ADAMTSL1: variants seen among roughly 807,000 people sequenced by gnomAD.
The protein encoded by ADAMTSL1 is ADAMTS like 1, also known as ADAMTS-like protein 1.
A neutral mutation model predicts 201.8 loss-of-function variants in ADAMTSL1; 126 were observed. The ratio of observed to expected loss-of-function variants is 0.62; its 90% CI spans 0.54 to 0.72. The LOEUF (loss-of-function observed/expected upper bound fraction) is 0.72, where lower values mean the gene tolerates loss of function less well. Among genes scored for constraint, ADAMTSL1 ranks in the 30% least tolerant of loss-of-function variants. ADAMTSL1 has a pLI of 0.00. For synonymous variants in ADAMTSL1, 1,121 were observed against 903.4 expected, an observed-to-expected ratio of 1.24 and a Z score of -4.32; for missense variants, 2,679 against 2,277.8, an observed-to-expected ratio of 1.18 and a Z score of -3.59.
intron 7 of ADAMTSL1, among the ~76,000 whole-genome samples, chr9:18,646,674 T>A (rs915196958): frequency 6.6e-6 from 1 of 151,168 alleles, no homozygotes; most frequent in African/African-American, 2.4e-5. Context: ...TTGGTTCTGT[T>A]TATATGCTGG....
chr9:17,969,326 A>T (rs917381273), intron 1 of ADAMTSL1, among the ~76,000 whole-genome samples: 1 of 152,068 alleles, frequency 6.6e-6, no homozygotes, highest in South Asian at 2.1e-4. Context: ...CTTCCTCAGC[A>T]GTGAGTACAA....
intron 6 of ADAMTSL1, among the ~76,000 whole-genome samples, chr9:18,637,138 T>C (rs1827156594): frequency 6.6e-6 from 1 of 152,096 alleles, no homozygotes; most frequent in African/African-American, 2.4e-5. Context: ...TAAGGTACAG[T>C]TCAGGCAAAA....
chr9:18,858,096 C>T lies in ADAMTSL1; in HGVS notation c.4249+28119C>T, dbSNP rs74843200. On this transcript the variant is annotated intron_variant, in intron 23 of 28. Coordinates refer to ENST00000380548, the MANE Select transcript of ADAMTSL1 (RefSeq NM_001040272.6). ...CTGTGCATGTATAGCCATATACACA[C>T]ACACTAATATAATCATTTCTATATT... Among the ~76,000 whole-genome samples the T allele has an allele frequency of 6.4e-3, 969 of 152,276 alleles. 15 individuals are homozygous for T. The highest frequency in any genetic ancestry group is 0.021 in the African/African-American group (872 of 41,540).
intron 1 of ADAMTSL1, among the ~76,000 whole-genome samples, chr9:17,949,296 TG>T (rs1563914568): frequency 1.3e-5 from 2 of 151,948 alleles, no homozygotes; most frequent in East Asian, 3.9e-4. Flanking sequence ...AGTCAGGAGG[TG>T]GTAGCCAAGC....
intron 1 of ADAMTSL1, among the ~76,000 whole-genome samples, chr9:18,162,910 C>A (rs1827458338): frequency 6.6e-6 from 1 of 151,866 alleles, no homozygotes. Flanking sequence ...CTGTTATTTA[C>A]TGAAAGCTTA....
chr9:18,366,053 C>A (rs1482451591), intron 2 of ADAMTSL1, among the ~76,000 whole-genome samples: 2 of 152,066 alleles, frequency 1.3e-5, no homozygotes, highest in African/African-American at 4.8e-5. Context: ...AGGTTGGGGA[C>A]CACTGTATTT....
intron 1 of ADAMTSL1, among the ~76,000 whole-genome samples, chr9:18,484,945 C>T (rs189062662): frequency 5.3e-5 from 8 of 152,200 alleles, no homozygotes; most frequent in South Asian, 2.1e-4. Flanking sequence ...TAACTAAGGA[C>T]GCTAATAAAA....
At chr9:18,698,852 T>G (rs2062803186) in intron 13 of ADAMTSL1, among the ~76,000 whole-genome samples, 1 of 152,058 alleles carries the variant, frequency 6.6e-6, no homozygotes, top group Admixed American at 6.5e-5. Context: ...ATCTTCCCCC[T>G]GGCCTTTTTC....
In ADAMTSL1 at chr9:18,776,782, G is replaced by A. The variant is rs1349939773; in HGVS notation, c.2553G>A (p.Arg851=). 3.9e-6 allele frequency: 6 copies of A among 1,545,034 alleles called. No homozygotes were observed. The highest frequency in any genetic ancestry group is 1.4e-5 in the African/African-American group (1 of 73,130). Residue 851 remains arginine, a splice_region_variant and synonymous_variant, in exon 19 of 29, where the codon AGG becomes AGA. Transcript: ENST00000380548. ...CCTTCGGGTTCGCTCTCCTTCCAGG[G>A]CCCGGGCGGCCATCCACGAAGCACA... is the stretch of plus-strand genomic sequence containing the variant. ...IRPCMLATCA[R]PGRPSTKHSP... is the part of the protein sequence containing the mutation.
At chr9:18,090,976 G>A (rs975900308) in intron 1 of ADAMTSL1, among the ~76,000 whole-genome samples, 3 of 151,724 alleles carry the variant, frequency 2.0e-5, no homozygotes, top group Non-Finnish European at 2.9e-5. Flanking sequence ...ACTTGCTTTC[G>A]CAGGTTCTCC....
intron 1 of ADAMTSL1, among the ~76,000 whole-genome samples, chr9:18,028,400 T>C (rs1820790608): frequency 6.6e-6 from 1 of 152,090 alleles, no homozygotes. Context: ...TATATGAAAT[T>C]CTTGGTTAGA....
At chr9:18,025,093 G>A (rs981434261) in intron 1 of ADAMTSL1, among the ~76,000 whole-genome samples, 10 of 151,544 alleles carry the variant, frequency 6.6e-5, no homozygotes, top group Admixed American at 5.3e-4. Flanking sequence ...CATTTCCTTC[G>A]CCTACTTTTT....
intron 2 of ADAMTSL1, among the ~76,000 whole-genome samples, chr9:18,334,891 CAATTTTCTA>C (rs1283834009): frequency 2.6e-5 from 4 of 152,124 alleles, no homozygotes; most frequent in Non-Finnish European, 4.4e-5. Flanking sequence ...CTCATTTGGT[CAATTTTCTA>C]AGCATTCCCT....
chr9:18,098,178 A>G (rs1824338406), intron 1 of ADAMTSL1, among the ~76,000 whole-genome samples: 1 of 152,042 alleles, frequency 6.6e-6, no homozygotes. Flanking sequence ...CTATATGTTT[A>G]TCATTATTCT....
At position 17,975,546 on chromosome 9, in the gene ADAMTSL1, A is replaced by C. The variant is rs755308753; in HGVS notation, c.87+68624A>C. Among the ~76,000 whole-genome samples the C allele has an allele frequency of 3.9e-5, 6 of 152,130 alleles. No individual in the cohort carries two copies. The South Asian group carries it at 1.0e-3, about 26-fold the overall frequency. On this transcript the variant is annotated intron_variant, in intron 1 of 29. Coordinates refer to the ADAMTSL1 transcript ENST00000680146. The stretch of plus-strand genomic sequence containing the variant: ...CAAAGGCCCCACCTCTTCATAGTTA[A>C]CTATGGCCATTAGGTTTCATCATGT...
At chr9:18,802,909 G>C (rs572477521) in intron 20 of ADAMTSL1, among the ~76,000 whole-genome samples, 80 of 152,274 alleles carry the variant, frequency 5.3e-4, no homozygotes, top group African/African-American at 1.8e-3. Context: ...CCTCATGAGC[G>C]TGAAGTAGTA....
intron 1 of ADAMTSL1, among the ~76,000 whole-genome samples, chr9:18,053,517 T>G (rs576860264): frequency 6.6e-6 from 1 of 152,318 alleles, no homozygotes; most frequent in East Asian, 1.9e-4. Flanking sequence ...TCATGAAAAA[T>G]TGTGTATTGT....
intron 2 of ADAMTSL1, among the ~76,000 whole-genome samples, chr9:18,189,239 T>C (rs1054189075): frequency 1.3e-5 from 2 of 152,152 alleles, no homozygotes; most frequent in Non-Finnish European, 2.9e-5. Flanking sequence ...AACATTGTTC[T>C]AATTGAGATC....
intron 3 of ADAMTSL1, among the ~76,000 whole-genome samples, chr9:18,558,965 C>T (rs934504970): frequency 1.3e-4 from 20 of 152,262 alleles, no homozygotes; most frequent in Middle Eastern, 3.4e-3. Context: ...GTTGCCTATT[C>T]ACCCTGATGA....
Sources: allele counts gnomAD v4.1 joint callset (sites outside exome capture counted in the v4.1 genomes callset), GRCh38; gene constraint gnomAD v4.1.1; transcripts MANE v1.5; gene names NCBI Gene and HGNC (gene_info 2026-07-23, HGNC 2026-07-21).